The following TIAM1 variants were observed in gnomAD, a reference collection of about 807,000 sequenced individuals.
TIAM1 encodes rho guanine nucleotide exchange factor TIAM1.
Under a neutral mutation model 163.5 loss-of-function variants are expected in TIAM1, and 65 were observed. That is an observed-to-expected ratio of 0.40 (90% confidence interval 0.33 to 0.49). The LOEUF (loss-of-function observed/expected upper bound fraction) is 0.49. TIAM1 is among the 20% of genes least tolerant of loss of function. The pLI, the probability that TIAM1 is intolerant of heterozygous loss-of-function variation, is 0.77. For missense variants in TIAM1, 1,789 were observed against 2,044.7 expected, an observed-to-expected ratio of 0.87 and a Z score of 2.41; for synonymous variants, 833 against 810.1, an observed-to-expected ratio of 1.03 and a Z score of -0.48.
intron 2 of TIAM1, among the ~76,000 whole-genome samples, chr21:31,379,496 C>A: frequency 1.3e-5 from 2 of 148,832 alleles, no homozygotes; most frequent in African/African-American, 2.5e-5. Context: ...CTCTAGACTC[C>A]AAATGGATAA....
intron 2 of TIAM1, among the ~76,000 whole-genome samples, chr21:31,455,011 T>A (rs2045034415): frequency 6.6e-6 from 1 of 152,074 alleles, no homozygotes; most frequent in African/African-American, 2.4e-5. Context: ...CCAGGCACGG[T>A]GGCTCACACC....
intron 26 of TIAM1, among the ~76,000 whole-genome samples, chr21:31,125,914 T>C (rs145465752): frequency 4.3e-4 from 65 of 152,314 alleles, no homozygotes; most frequent in African/African-American, 1.3e-3. Context: ...CTAAGTACCA[T>C]CTCTAAGCCT....
intron 2 of TIAM1, among the ~76,000 whole-genome samples, chr21:31,416,797 A>C (rs931597992): frequency 3.3e-5 from 5 of 152,226 alleles, no homozygotes; most frequent in Non-Finnish European, 7.3e-5. Context: ...CTTACATGAC[A>C]CATATTAAGG....
rs1390041697 is a variant in TIAM1, at chr21:31,223,711, C to T, written c.1810-120G>A. The T allele has an allele frequency of 7.0e-6, 7 of 994,108 alleles. No homozygotes were observed. In the Middle Eastern group the frequency reaches 1.1e-3, roughly 161 times the overall value. The allele number at this position is 994,108 out of a possible 1,614,324, so 61.6% of individuals were successfully genotyped here. ...ATTCATTATAATCCTAAGGAATAAA[C>T]AACAGGTACCTAAGTTTCTTAGTTA... is the stretch of plus-strand genomic sequence containing the variant. On this transcript the variant is annotated intron_variant, in intron 7 of 27. Transcript: ENST00000541036.
At chr21:31,541,095 A>G (rs1388180147) in intron 1 of TIAM1, among the ~76,000 whole-genome samples, 6 of 152,152 alleles carry the variant, frequency 3.9e-5, no homozygotes, top group Admixed American at 3.3e-4. Flanking sequence ...TGAATACAGA[A>G]CCCACATCCT....
chr21:31,422,361 AG>A (rs1277456310), intron 2 of TIAM1, among the ~76,000 whole-genome samples: 37 of 152,332 alleles, frequency 2.4e-4, no homozygotes, highest in Middle Eastern at 6.8e-3. Context: ...TTTTATAAGC[AG>A]TTTTCTTGTT....
At chr21:31,186,011 T>G (rs2085287341) in intron 14 of TIAM1, among the ~76,000 whole-genome samples, 1 of 152,212 alleles carries the variant, frequency 6.6e-6, no homozygotes, top group Non-Finnish European at 1.5e-5. Context: ...AGGATAAATT[T>G]CTGTTATTTT....
At chr21:31,363,045 G>C (rs2076433982) in intron 2 of TIAM1, among the ~76,000 whole-genome samples, 1 of 152,070 alleles carries the variant, frequency 6.6e-6, no homozygotes. Context: ...ATCCAGCTGG[G>C]ATCATTGTTG....
chr21:31,177,610 C>G (rs926744801), intron 15 of TIAM1, among the ~76,000 whole-genome samples: 3 of 152,082 alleles, frequency 2.0e-5, no homozygotes, highest in Admixed American at 1.3e-4. Flanking sequence ...CTGTCCCCCC[C>G]ACCAATGACT....
intron 13 of TIAM1, among the ~76,000 whole-genome samples, chr21:31,190,641 C>T (rs867332908): frequency 5.9e-5 from 9 of 152,084 alleles, no homozygotes; most frequent in Non-Finnish European, 8.8e-5. Flanking sequence ...GCTGAAATGA[C>T]GCATCCTTCT....
At chr21:31,270,408 A>T (rs1024098346) in intron 3 of TIAM1, among the ~76,000 whole-genome samples, 5 of 152,152 alleles carry the variant, frequency 3.3e-5, no homozygotes, top group Non-Finnish European at 1.5e-5. Context: ...ACTAGATCTC[A>T]AGCTTGGAAA....
At chr21:31,430,845 TTG>T (rs1454517118) in intron 2 of TIAM1, among the ~76,000 whole-genome samples, 1 of 152,200 alleles carries the variant, frequency 6.6e-6, no homozygotes, top group Non-Finnish European at 1.5e-5. Context: ...CCTCTATTTT[TTG>T]TATATATGTA....
intron 1 of TIAM1, among the ~76,000 whole-genome samples, chr21:31,483,521 C>G (rs1465457811): frequency 6.6e-6 from 1 of 152,088 alleles, no homozygotes; most frequent in African/African-American, 2.4e-5. Context: ...AGAGTAGAAG[C>G]AGCTGCTTCT....
intron 1 of TIAM1, among the ~76,000 whole-genome samples, chr21:31,528,122 G>A (rs2047846794): frequency 6.6e-6 from 1 of 152,184 alleles, no homozygotes; most frequent in African/African-American, 2.4e-5. Flanking sequence ...TAACTAGGGA[G>A]ATTAAGGGAG....
At chr21:31,422,300 T>G (rs1293436308) in intron 2 of TIAM1, among the ~76,000 whole-genome samples, 2 of 152,192 alleles carry the variant, frequency 1.3e-5, no homozygotes, top group African/African-American at 2.4e-5. Context: ...TCAGGATACG[T>G]ATCAAGGATG....
In TIAM1 at chr21:31,222,679, ATAT is replaced by A. The variant is rs1569055896; in HGVS notation, c.1995+724_1995+726del. 3.9e-3 allele frequency among the ~76,000 whole-genome samples: 136 copies of A among 35,004 alleles called. 1 individual carries two copies. The highest frequency in any genetic ancestry group is 0.01 in the African/African-American group (127 of 12,568). 23.0% of individuals were successfully genotyped at this position (35,004 alleles called of 152,430 possible). ...TATATACATACATGTACACATACAT[ATAT>A]ATATATATATATATATATATATATA... is the stretch of plus-strand genomic sequence containing the variant. On this transcript the variant is annotated intron_variant, in intron 8 of 27. Transcript: ENST00000541036.
At chr21:31,338,134 C>T (rs1469465350) in intron 2 of TIAM1, among the ~76,000 whole-genome samples, 3 of 152,142 alleles carry the variant, frequency 2.0e-5, no homozygotes, top group South Asian at 2.1e-4. Context: ...TGTGTACATG[C>T]GGAGAAAGGA....
chr21:31,347,143 A>G (rs1602062126), upstream of TIAM1, among the ~76,000 whole-genome samples: 4 of 152,204 alleles, frequency 2.6e-5, no homozygotes, highest in East Asian at 7.7e-4. Flanking sequence ...TCCCCTGTAG[A>G]TGCTTCTAGA....
intron 16 of TIAM1, among the ~76,000 whole-genome samples, chr21:31,164,206 C>G (rs879782922): frequency 8.6e-5 from 13 of 152,028 alleles, no homozygotes. Flanking sequence ...CTGGCTAACA[C>G]GGTGAAACCC....
Sources: allele counts gnomAD v4.1 joint callset (sites outside exome capture counted in the v4.1 genomes callset), GRCh38; gene constraint gnomAD v4.1.1; transcripts MANE v1.5; gene names NCBI Gene and HGNC (gene_info 2026-07-23, HGNC 2026-07-21).